THSD7B: variants seen among roughly 807,000 people sequenced by gnomAD.
THSD7B encodes the protein thrombospondin type 1 domain containing 7B.
Under a neutral mutation model 213.6 loss-of-function variants are expected in THSD7B, and 138 were observed. The ratio of observed to expected loss-of-function variants is 0.65; its 90% CI spans 0.56 to 0.74. The LOEUF is 0.74. Among genes scored for constraint, THSD7B ranks in the 30% least tolerant of loss-of-function variants. The probability of loss-of-function intolerance (pLI) is 0.00; values close to 1 mark genes in which losing one functional copy is unlikely to be tolerated. For missense variants in THSD7B, 1,931 were observed against 1,991.5 expected, an observed-to-expected ratio of 0.97 and a Z score of 0.58; for synonymous variants, 742 against 687.0, an observed-to-expected ratio of 1.08 and a Z score of -1.25.
At chr2:137,555,375 TGCTGTTCAGCAACATTC>T (rs1263963301) in intron 15 of THSD7B, among the ~76,000 whole-genome samples, 1 of 152,200 alleles carries the variant, frequency 6.6e-6, no homozygotes, top group East Asian at 1.9e-4. Context: ...CAGCAACATT[TGCTGTTCAGCAACATTC>T]GCTGTTCTGC....
intron 17 of THSD7B, among the ~76,000 whole-genome samples, chr2:137,582,324 G>A (rs138741976): frequency 3.3e-5 from 5 of 152,050 alleles, no homozygotes; most frequent in Non-Finnish European, 7.4e-5. Flanking sequence ...TTTGTTAAAT[G>A]TAGGAAATAG....
intron 3 of THSD7B, among the ~76,000 whole-genome samples, chr2:137,094,066 T>G (rs915916868): frequency 1.3e-5 from 2 of 152,192 alleles, no homozygotes; most frequent in African/African-American, 4.8e-5. Context: ...AATGGATAGG[T>G]GAATATTCTA....
intron 2 of THSD7B, among the ~76,000 whole-genome samples, chr2:137,035,036 T>G (rs1573779707): frequency 6.6e-6 from 1 of 152,164 alleles, no homozygotes; most frequent in East Asian, 1.9e-4. Context: ...CAATGGTTCT[T>G]TCTTAAAAGA....
At chr2:137,450,550 C>T (rs1025416570) in intron 14 of THSD7B, among the ~76,000 whole-genome samples, 9 of 152,176 alleles carry the variant, frequency 5.9e-5, no homozygotes, top group Non-Finnish European at 1.0e-4. Context: ...GAGATGGCTC[C>T]ATCTTTAGCC....
At chr2:137,268,401 G>A in intron 10 of THSD7B, among the ~76,000 whole-genome samples, 1 of 150,868 alleles carries the variant, frequency 6.6e-6, no homozygotes, top group African/African-American at 2.4e-5. Context: ...AGAACATGCA[G>A]TGTTTGGTTT....
chr2:137,128,050 A>G (rs1558930918), intron 5 of THSD7B, among the ~76,000 whole-genome samples: 1 of 152,104 alleles, frequency 6.6e-6, no homozygotes, highest in African/African-American at 2.4e-5. Context: ...TAAATGTAAT[A>G]TTTTCTTTTC....
intron 3 of THSD7B, among the ~76,000 whole-genome samples, chr2:137,065,134 C>T (rs1438363023): frequency 6.6e-6 from 1 of 152,034 alleles, no homozygotes; most frequent in Non-Finnish European, 1.5e-5. Context: ...AATATTGACT[C>T]TTCCAATCCA....
At chr2:137,527,391 A>G (rs1254649244) in intron 15 of THSD7B, among the ~76,000 whole-genome samples, 1 of 152,082 alleles carries the variant, frequency 6.6e-6, no homozygotes, top group Non-Finnish European at 1.5e-5. Flanking sequence ...GTGTGTCCTA[A>G]GGAAATACAG....
chr2:137,404,873 T>A (rs1297729632), intron 12 of THSD7B, among the ~76,000 whole-genome samples: 4 of 149,230 alleles, frequency 2.7e-5, no homozygotes, highest in African/African-American at 7.4e-5. Flanking sequence ...GGGAGGGGGG[T>A]GAGGGATAAA....
At chr2:137,316,253 A>T (rs902692790) in intron 12 of THSD7B, among the ~76,000 whole-genome samples, 4 of 152,252 alleles carry the variant, frequency 2.6e-5, no homozygotes, top group African/African-American at 9.6e-5. Context: ...TAAAACTAGG[A>T]AGTTGTAGAA....
intron 15 of THSD7B, among the ~76,000 whole-genome samples, chr2:137,542,166 G>A (rs576125937): frequency 1.3e-5 from 2 of 151,622 alleles, no homozygotes; most frequent in African/African-American, 4.8e-5. Flanking sequence ...AATAAAAACC[G>A]TCAAAGCCAA....
intron 12 of THSD7B, among the ~76,000 whole-genome samples, chr2:137,324,519 C>T (rs541536029): frequency 8.7e-5 from 13 of 150,126 alleles, no homozygotes; most frequent in African/African-American, 3.2e-4. Context: ...TGTGAAATAA[C>T]AAAAAAAAAC....
intron 3 of THSD7B, among the ~76,000 whole-genome samples, chr2:137,091,636 C>G (rs1687950283): frequency 6.6e-6 from 1 of 152,004 alleles, no homozygotes; most frequent in African/African-American, 2.4e-5. Flanking sequence ...GATGGCTGCC[C>G]TCCCGCTGTG....
intron 5 of THSD7B, among the ~76,000 whole-genome samples, chr2:137,137,378 T>C (rs1014572089): frequency 1.4e-4 from 22 of 152,220 alleles, no homozygotes; most frequent in African/African-American, 5.1e-4. Context: ...AAATGCATCA[T>C]GTAGTATGTA....
chr2:137,550,903 G>A (rs1042708903), intron 15 of THSD7B, among the ~76,000 whole-genome samples: 2 of 151,768 alleles, frequency 1.3e-5, no homozygotes, highest in African/African-American at 4.8e-5. Context: ...TTAGTACCTG[G>A]GTAACAAATT....
intron 15 of THSD7B, among the ~76,000 whole-genome samples, chr2:137,524,712 A>G (rs1352569505): frequency 6.6e-6 from 1 of 152,154 alleles, no homozygotes; most frequent in Non-Finnish European, 1.5e-5. Flanking sequence ...AGTCTTCTAA[A>G]CTGAGGTTAT....
intron 15 of THSD7B, among the ~76,000 whole-genome samples, chr2:137,497,591 A>G (rs978073341): frequency 1.3e-5 from 2 of 150,836 alleles, no homozygotes; most frequent in African/African-American, 4.9e-5. Context: ...ACATATCTGT[A>G]TATATATATG....
At chr2:136,838,369 C>A (rs1330943006) in intron 1 of THSD7B, among the ~76,000 whole-genome samples, 2 of 152,038 alleles carry the variant, frequency 1.3e-5, no homozygotes, top group Non-Finnish European at 2.9e-5. Context: ...CAGAGTTCCC[C>A]TTTCATCATT....
intron 12 of THSD7B, among the ~76,000 whole-genome samples, chr2:137,329,737 A>G (rs1684452069): frequency 6.6e-6 from 1 of 152,220 alleles, no homozygotes; most frequent in South Asian, 2.1e-4. Flanking sequence ...AATTTGCCTG[A>G]CAATGTAATA....
Sources: allele counts gnomAD v4.1 joint callset (sites outside exome capture counted in the v4.1 genomes callset), GRCh38; gene constraint gnomAD v4.1.1; transcripts MANE v1.5; gene names NCBI Gene and HGNC (gene_info 2026-07-23, HGNC 2026-07-21).